PLD1: variants seen among roughly 807,000 people sequenced by gnomAD.
PLD1 encodes phospholipase D1, also known as choline phosphatase 1.
A neutral mutation model predicts 137.1 loss-of-function variants in PLD1; 112 were observed. The observed-to-expected ratio is 0.82, with a 90% CI of 0.70 to 0.96. PLD1 has a LOEUF of 0.96. Among genes scored for constraint, PLD1 ranks in the 40% least tolerant of loss-of-function variants. The probability of loss-of-function intolerance (pLI) is 0.00; values close to 1 mark genes in which losing one functional copy is unlikely to be tolerated. For synonymous variants in PLD1, 431 were observed against 454.7 expected (o/e 0.95, Z 0.66); for missense variants, 1,321 against 1,342.0 (o/e 0.98, Z 0.24).
At chr3:171,624,107 G>T (rs1404906869) in intron 23 of PLD1, among the ~76,000 whole-genome samples, 1 of 151,916 alleles carries the variant, frequency 6.6e-6, no homozygotes, top group Non-Finnish European at 1.5e-5. Context: ...GACAAACTGG[G>T]AGAAAGTATT....
chr3:171,761,966 C>T (rs1307608593), intron 1 of PLD1, among the ~76,000 whole-genome samples: 1 of 152,198 alleles, frequency 6.6e-6, no homozygotes, highest in Non-Finnish European at 1.5e-5. Flanking sequence ...CAGATTAATA[C>T]AGAAACGTAA....
chr3:171,616,455 G>A (rs191351554), intron 24 of PLD1, among the ~76,000 whole-genome samples: 174 of 152,254 alleles, frequency 1.1e-3, no homozygotes, highest in Non-Finnish European at 2.1e-3. Flanking sequence ...TGGCAAAGGC[G>A]AACTAAGGCT....
At chr3:171,740,981 A>G (rs1719737619) in intron 1 of PLD1, among the ~76,000 whole-genome samples, 1 of 152,186 alleles carries the variant, frequency 6.6e-6, no homozygotes, top group African/African-American at 2.4e-5. Flanking sequence ...AATTACTTTT[A>G]TTTTATGGGC....
intron 1 of PLD1, chr3:171,809,417 AC>A (rs1374620413): frequency 6.6e-6 from 1 of 152,140 alleles, no homozygotes; most frequent in Non-Finnish European, 1.5e-5. Flanking sequence ...CATTTAACAT[AC>A]CTCAGAGGTC....
At chr3:171,606,582 T>C (rs1732223173) in intron 25 of PLD1, among the ~76,000 whole-genome samples, 1 of 152,186 alleles carries the variant, frequency 6.6e-6, no homozygotes, top group Non-Finnish European at 1.5e-5. Context: ...TGTGGAATCC[T>C]GAAACCACAC....
intron 23 of PLD1, 21 bp from the exon 24 acceptor site, chr3:171,620,541 T>A: frequency 6.9e-7 from 1 of 1,456,302 alleles, no homozygotes; most frequent in Non-Finnish European, 9.6e-7. Flanking sequence ...AAAAAGAAAT[T>A]ATTAAAATTA....
intron 16 of PLD1, among the ~76,000 whole-genome samples, chr3:171,681,251 G>T (rs1458230530): frequency 6.6e-6 from 1 of 152,170 alleles, no homozygotes; most frequent in Non-Finnish European, 1.5e-5. Flanking sequence ...AAACATAAAT[G>T]GTTTGCCTAC....
intron 23 of PLD1, among the ~76,000 whole-genome samples, chr3:171,640,359 C>T (rs1391337646): frequency 6.6e-6 from 1 of 152,028 alleles, no homozygotes; most frequent in Non-Finnish European, 1.5e-5. Flanking sequence ...TTTGGATATG[C>T]TGTTTTCATT....
intron 19 of PLD1, among the ~76,000 whole-genome samples, chr3:171,663,965 G>A (rs1021294165): frequency 2.6e-5 from 4 of 151,870 alleles, no homozygotes; most frequent in African/African-American, 9.7e-5. Context: ...GCAACTATAC[G>A]GCCATTAAAT....
At chr3:171,622,503 A>C (rs1025350730) in intron 23 of PLD1, among the ~76,000 whole-genome samples, 6 of 152,182 alleles carry the variant, frequency 3.9e-5, no homozygotes, top group Non-Finnish European at 8.8e-5. Context: ...ATATTGATCA[A>C]TCTAGGGAGA....
Position 171,737,992 on chromosome 3 carries a change from G to A in PLD1, c.60C>T (p.Asp20=), listed in dbSNP as rs749115002. The A allele has an allele frequency of 3.7e-6, 6 of 1,613,888 alleles. No homozygotes were observed. In the East Asian group the frequency reaches 6.7e-5, roughly 18 times the overall value. ...NTSALQKIAA[D]MSNIIENLDT... ...CCAGATTTTCTATGATATTACTCAT[G>A]TCAGCAGCAATTTTCTGCAGTGCAG... is the stretch of plus-strand genomic sequence containing the variant. Residue 20 remains aspartate, a synonymous_variant, in exon 2 of 27, where the codon GAC becomes GAT. Coordinates refer to ENST00000351298, the MANE Select transcript of PLD1 (RefSeq NM_002662.5).
At chr3:171,608,503 A>G (rs977861009) in intron 25 of PLD1, among the ~76,000 whole-genome samples, 1 of 152,230 alleles carries the variant, frequency 6.6e-6, no homozygotes, top group African/African-American at 2.4e-5. Flanking sequence ...AAGAAGTGGT[A>G]TGGCAAAAAG....
chr3:171,795,959 T>C (rs1723417209), intron 1 of PLD1, among the ~76,000 whole-genome samples: 1 of 152,234 alleles, frequency 6.6e-6, no homozygotes, highest in South Asian at 2.1e-4. Flanking sequence ...TTTGAGAGTC[T>C]ACTGAATTAA....
chr3:171,737,661 T>C lies in PLD1; in HGVS notation c.161-2A>G. ...AAATAGCAGAGAAAGGGATATACAC[T>C]AAAAAAAAAAGTAAATAAAGTTAAT... On this transcript the variant is annotated splice_acceptor_variant, in intron 2 of 26. Coordinates refer to ENST00000351298, the MANE Select transcript of PLD1 (RefSeq NM_002662.5). LOFTEE classifies it high-confidence loss of function. 7.9e-7 allele frequency: 1 copy of C among 1,272,454 alleles called. No individual in the cohort carries two copies. The highest frequency in any genetic ancestry group is 1.5e-5 in the South Asian group (1 of 67,362). 78.8% of individuals were successfully genotyped at this position (1,272,454 alleles called of 1,614,324 possible).
At chr3:171,796,995 C>T (rs1723462193) in intron 1 of PLD1, among the ~76,000 whole-genome samples, 1 of 152,170 alleles carries the variant, frequency 6.6e-6, no homozygotes, top group African/African-American at 2.4e-5. Context: ...TTTTCCTTTG[C>T]TGCCAAACTC....
intron 1 of PLD1, among the ~76,000 whole-genome samples, chr3:171,756,703 C>A (rs963841032): frequency 1.1e-4 from 16 of 152,092 alleles, no homozygotes; most frequent in African/African-American, 3.9e-4. Flanking sequence ...AAGTTAGTAG[C>A]TGTTAAAAAG....
intron 6 of PLD1, among the ~76,000 whole-genome samples, chr3:171,727,000 G>T (rs763914572): frequency 2.0e-5 from 3 of 152,012 alleles, no homozygotes; most frequent in African/African-American, 4.8e-5. Flanking sequence ...AGCCATAGAC[G>T]CATACATAAA....
intron 12 of PLD1, among the ~76,000 whole-genome samples, chr3:171,694,086 C>T (rs2108526321): frequency 6.6e-6 from 1 of 152,124 alleles, no homozygotes; most frequent in Non-Finnish European, 1.5e-5. Context: ...CTTATAATAA[C>T]ACAACACTTC....
At chr3:171,721,350 T>C (rs1207664471) in intron 8 of PLD1, 3 of 152,404 alleles carry the variant, frequency 2.0e-5, no homozygotes, top group Non-Finnish European at 2.9e-5. Context: ...GAGTGTATTT[T>C]CATGCTTTTT....
Sources: allele counts gnomAD v4.1 joint callset (sites outside exome capture counted in the v4.1 genomes callset), GRCh38; gene constraint gnomAD v4.1.1; transcripts MANE v1.5; gene names NCBI Gene and HGNC (gene_info 2026-07-23, HGNC 2026-07-21).